The following PRCP variants were observed in gnomAD, a reference collection of about 807,000 sequenced individuals.
PRCP encodes prolylcarboxypeptidase.
PRCP carries 46 observed loss-of-function variants against 54.2 expected under a neutral mutation model. The ratio of observed to expected loss-of-function variants is 0.85; its 90% CI spans 0.67 to 1.09. The LOEUF (loss-of-function observed/expected upper bound fraction) is 1.09, where lower values mean the gene tolerates loss of function less well. Among genes scored for constraint, PRCP ranks in the 50% least tolerant of loss-of-function variants. The pLI, the probability that PRCP is intolerant of heterozygous loss-of-function variation, is 0.00. For synonymous variants in PRCP, 240 were observed against 212.2 expected, an observed-to-expected ratio of 1.13 and a Z score of -1.14; for missense variants, 613 against 596.8, an observed-to-expected ratio of 1.03 and a Z score of -0.28.
rs1410018271 is a variant in PRCP at position 82,824,633 on chromosome 11, C to T, written c.*273G>A. 2.4e-6 allele frequency: 1 copy of T among 409,020 alleles called. No homozygotes were observed. Among genetic ancestry groups the T allele is most frequent in the Non-Finnish European group, 4.5e-6 (1 of 224,016 alleles). 25.3% of individuals were successfully genotyped at this position (409,020 alleles called of 1,614,324 possible). On this transcript the variant is annotated 3_prime_UTR_variant, in exon 9 of 9. Coordinates refer to ENST00000313010, the MANE Select transcript of PRCP (RefSeq NM_005040.4). ...AACTCTCCCTCTTATGAAAAGCAAC[C>T]AGGAACTCTACTCCAGTTATGAGGG... is the stretch of plus-strand genomic sequence containing the variant.
At chr11:82,831,687 T>G (rs897778129) in intron 8 of PRCP, among the ~76,000 whole-genome samples, 1 of 152,104 alleles carries the variant, frequency 6.6e-6, no homozygotes, top group Admixed American at 6.6e-5. Flanking sequence ...AAACAAAGAT[T>G]AAGATACTTT....
chr11:82,855,550 C>T (rs773318578), intron 2 of PRCP, among the ~76,000 whole-genome samples: 7 of 152,066 alleles, frequency 4.6e-5, no homozygotes, highest in African/African-American at 1.4e-4. Flanking sequence ...ACCCGGGAGG[C>T]GGAGCTTGCA....
In PRCP at chr11:82,849,137, C is replaced by A; in HGVS notation, c.833G>T (p.Trp278Leu). 1.2e-6 allele frequency: 2 copies of A among 1,614,074 alleles called. No homozygotes were observed. The highest frequency in any genetic ancestry group is 1.7e-6 in the Non-Finnish European group (2 of 1,179,962). The change falls in exon 6 of 9, where the codon TGG (tryptophan) becomes TTG (leucine). Residue 278 changes from tryptophan (W) to leucine (L), a missense_variant. Coordinates refer to ENST00000313010, the MANE Select transcript of PRCP (RefSeq NM_005040.4). ...CAGATTCACCCAGGTTTCAGAGATC[C>A]AGTCTTTCAAATGTTGGATGTCCTG... Reference protein sequence around the residue: ...TSQDIQHLKDWISETWVNLAM... With the variant: ...TSQDIQHLKDLISETWVNLAM...
chr11:82,844,880 T>G (rs1278611791), intron 6 of PRCP, among the ~76,000 whole-genome samples: 1 of 152,106 alleles, frequency 6.6e-6, no homozygotes, highest in African/African-American at 2.4e-5. Flanking sequence ...AAACAATGCT[T>G]AAATACACCT....
chr11:82,896,539 C>T (rs1393911542), intron 1 of PRCP, among the ~76,000 whole-genome samples: 2 of 151,726 alleles, frequency 1.3e-5, no homozygotes, highest in African/African-American at 4.8e-5. Flanking sequence ...ATTAGCCAGG[C>T]GTGGTGGCGG....
chr11:82,850,309 T>A lies in PRCP; in HGVS notation c.593+15A>T, dbSNP rs1236826750. On this transcript the variant is annotated intron_variant, in intron 4 of 8. Transcript: ENST00000313010. ...ATCATTAAGAAACGTTCATGTCCAG[T>A]ACAAATGCACTTACCCAACTACCAT... The A allele has an allele frequency of 6.7e-7, 1 of 1,489,060 alleles. No homozygotes were observed. The highest frequency in any genetic ancestry group is 9.0e-7 in the Non-Finnish European group (1 of 1,113,730). 92.2% of individuals were successfully genotyped at this position (1,489,060 alleles called of 1,614,324 possible).
At position 82,853,153 on chromosome 11, in the gene PRCP, C is replaced by A. The variant is rs768718466; in HGVS notation, c.411+24G>T. The A allele has an allele frequency of 7.8e-6, 12 of 1,531,480 alleles. 1 individual carries two copies. In the South Asian group the frequency reaches 1.4e-4, roughly 18 times the overall value. The allele number at this position is 1,531,480 out of a possible 1,614,324, so 94.9% of individuals were successfully genotyped here. On this transcript the variant is annotated intron_variant, in intron 3 of 8. Transcript: ENST00000313010. The stretch of plus-strand genomic sequence containing the variant: ...TAAATTGAAAAGAAAAAGCTTGTAA[C>A]TTTTAAGTAAAAAGTATCTTTACCT...
At chr11:82,894,865 AT>A (rs1307545434) in intron 1 of PRCP, among the ~76,000 whole-genome samples, 1 of 152,226 alleles carries the variant, frequency 6.6e-6, no homozygotes, top group East Asian at 1.9e-4. Context: ...TCATTACCAT[AT>A]TTCCCCCCAA....
rs1202427446 is a variant in PRCP at position 82,823,801 on chromosome 11, T to G, written c.*1105A>C. 6.6e-6 allele frequency: 1 copy of G among 152,180 alleles called. No homozygotes were observed. The highest frequency in any genetic ancestry group is 2.4e-5 in the African/African-American group (1 of 41,440). 9.4% of individuals were successfully genotyped at this position (152,180 alleles called of 1,614,324 possible). ...GAAAGGTCTCAGTGTAAGAACTGCT[T>G]GAAAGAAGCCAACCCCTTGGAAATA... On this transcript the variant is annotated 3_prime_UTR_variant, in exon 9 of 9. Transcript: ENST00000313010.
intron 1 of PRCP, among the ~76,000 whole-genome samples, chr11:82,898,977 T>A (rs1860182077): frequency 6.9e-6 from 1 of 144,952 alleles, no homozygotes; most frequent in African/African-American, 2.6e-5. Context: ...AAATCCCATC[T>A]CTATTTTTAA....
intron 2 of PRCP, chr11:82,858,913 T>C (rs1276088873): frequency 6.6e-6 from 1 of 152,248 alleles, no homozygotes; most frequent in African/African-American, 2.4e-5. Flanking sequence ...TTACTTAGAT[T>C]CTTAACATTC....
At chr11:82,886,862 T>G (rs1859873532) in intron 1 of PRCP, among the ~76,000 whole-genome samples, 1 of 152,216 alleles carries the variant, frequency 6.6e-6, no homozygotes, top group African/African-American at 2.4e-5. Context: ...TGATCAACTG[T>G]GTTCTGTCCC....
chr11:82,825,534 C>A, intron 8 of PRCP: 1 of 173,966 alleles, frequency 5.7e-6, no homozygotes, highest in Non-Finnish European at 1.2e-5. Context: ...CTTTGGGAGG[C>A]CAAGATGGTG....
intron 1 of PRCP, among the ~76,000 whole-genome samples, chr11:82,869,883 A>G (rs1188448730): frequency 6.6e-6 from 1 of 152,230 alleles, no homozygotes; most frequent in East Asian, 1.9e-4. Context: ...TGGAGAACCC[A>G]AGCCTTAAAT....
chr11:82,825,183 A>G, intron 8 of PRCP, 61 bp from the exon 9 acceptor site: 1 of 1,437,588 alleles, frequency 7.0e-7, no homozygotes, highest in Non-Finnish European at 9.5e-7. Context: ...ACACTCAGAT[A>G]AGCTAGAAGA....
Position 82,854,995 on chromosome 11 carries a change from T to A in PRCP, c.310-1717A>T, listed in dbSNP as rs184384830. Among the ~76,000 whole-genome samples the A allele has an allele frequency of 3.9e-3, 590 of 152,292 alleles. 3 individuals carry two copies. The highest frequency in any genetic ancestry group is 0.014 in the African/African-American group (570 of 41,576). ...TGCAGAAGATTGAAACTGGACCCCT[T>A]CCTTTCACCATATACAAAAATCAAC... is the stretch of plus-strand genomic sequence containing the variant. On this transcript the variant is annotated intron_variant, in intron 2 of 8. Coordinates refer to ENST00000313010, the MANE Select transcript of PRCP (RefSeq NM_005040.4).
chr11:82,835,819 T>A, intron 8 of PRCP: 1 of 502,798 alleles, frequency 2.0e-6, no homozygotes, highest in South Asian at 1.5e-5. Flanking sequence ...AAGAACCAGA[T>A]GAACCAGAGG....
Position 82,850,437 on chromosome 11 carries a change from G to A in PRCP, c.480C>T (p.His160=). ...CAGCTCCTGGGATTGTTCTTTTCAAGTGTTTGATTAACTCTGCAAAATCAG... is the reference window on the plus strand; with the variant it reads ...CAGCTCCTGGGATTGTTCTTTTCAAATGTTTGATTAACTCTGCAAAATCAG... ...ALADFAELIK[H]LKRTIPGAEN... The change falls in exon 4 of 9, where the codon CAC becomes CAT. Residue 160 remains histidine, a synonymous_variant. Coordinates refer to ENST00000313010, the MANE Select transcript of PRCP (RefSeq NM_005040.4). 1.2e-6 allele frequency: 2 copies of A among 1,608,538 alleles called. No individual in the cohort carries two copies. Among genetic ancestry groups the A allele is most frequent in the Non-Finnish European group, 1.7e-6 (2 of 1,176,936 alleles).
intron 1 of PRCP, among the ~76,000 whole-genome samples, chr11:82,883,209 C>A (rs1260865727): frequency 6.6e-6 from 1 of 152,104 alleles, no homozygotes; most frequent in African/African-American, 2.4e-5. Context: ...ATCGAAGTAG[C>A]TATAAAGTGC....
Sources: allele counts gnomAD v4.1 joint callset (sites outside exome capture counted in the v4.1 genomes callset), GRCh38; gene constraint gnomAD v4.1.1; transcripts MANE v1.5; gene names NCBI Gene and HGNC (gene_info 2026-07-23, HGNC 2026-07-21).